The following INSR variants were observed in gnomAD, a reference collection of about 807,000 sequenced individuals.
INSR encodes insulin receptor, also known as IR.
Under a neutral mutation model 142.6 loss-of-function variants are expected in INSR, and 67 were observed. The ratio of observed to expected loss-of-function variants is 0.47; its 90% CI spans 0.39 to 0.58. INSR has a LOEUF of 0.58. Ranked by LOEUF, INSR falls within the 20% of genes least tolerant of loss-of-function variation. The pLI, the probability that INSR is intolerant of heterozygous loss-of-function variation, is 0.00. For synonymous variants in INSR, 756 were observed against 743.1 expected, an observed-to-expected ratio of 1.02 and a Z score of -0.28; for missense variants, 1,248 against 1,833.2, an observed-to-expected ratio of 0.68 and a Z score of 5.83.
intron 2 of INSR, among the ~76,000 whole-genome samples, chr19:7,263,038 G>C (rs1257656851): frequency 6.6e-6 from 1 of 152,190 alleles, no homozygotes; most frequent in Non-Finnish European, 1.5e-5. Context: ...AGCACTTTGC[G>C]AGGCTGAGGT....
chr19:7,155,191 T>TAGCAGAAAGGCCCCAGGAC (rs1474494353), intron 9 of INSR, among the ~76,000 whole-genome samples: 35 of 151,938 alleles, frequency 2.3e-4, no homozygotes, highest in African/African-American at 8.4e-4. Context: ...AATTCAGACA[T>TAGCAGAAAGGCCCCAGGAC]AGCAGAAACC....
At chr19:7,252,845 G>A (rs1976768978) in intron 2 of INSR, among the ~76,000 whole-genome samples, 1 of 152,166 alleles carries the variant, frequency 6.6e-6, no homozygotes, top group Non-Finnish European at 1.5e-5. Context: ...GCCAGGCGCG[G>A]TGGCTCACGC....
At chr19:7,226,356 G>A (rs867301675) in intron 2 of INSR, among the ~76,000 whole-genome samples, 1 of 148,618 alleles carries the variant, frequency 6.7e-6, no homozygotes, top group Middle Eastern at 3.5e-3. Context: ...GTTGCAGTGA[G>A]CCAAGATCGC....
intron 2 of INSR, among the ~76,000 whole-genome samples, chr19:7,214,499 T>G (rs1176820193): frequency 2.0e-5 from 3 of 152,172 alleles, no homozygotes; most frequent in Non-Finnish European, 4.4e-5. Flanking sequence ...TCCTCATTCT[T>G]CTCTACCCTG....
intron 2 of INSR, among the ~76,000 whole-genome samples, chr19:7,249,482 C>G (rs1447563206): frequency 6.6e-6 from 1 of 152,296 alleles, no homozygotes; most frequent in East Asian, 1.9e-4. Context: ...CACCGTTTTA[C>G]CGCAGAACCG....
intron 2 of INSR, among the ~76,000 whole-genome samples, chr19:7,259,396 C>T (rs886480612): frequency 1.3e-5 from 2 of 152,046 alleles, no homozygotes; most frequent in African/African-American, 4.8e-5. Flanking sequence ...CTTAACCTCT[C>T]GAAGCCTTAG....
intron 9 of INSR, among the ~76,000 whole-genome samples, chr19:7,154,352 G>A (rs1973531035): frequency 1.5e-5 from 2 of 134,354 alleles, no homozygotes; most frequent in Non-Finnish European, 3.1e-5. Flanking sequence ...ACCCAGGCTG[G>A]AGTGCAGTGG....
At chr19:7,167,841 A>C in intron 7 of INSR, 127 bp downstream of exon 7, 2 of 1,148,132 alleles carry the variant, frequency 1.7e-6, no homozygotes, top group Non-Finnish European at 2.6e-6. Context: ...GGAACCTAAG[A>C]TATTTATTCC....
intron 2 of INSR, among the ~76,000 whole-genome samples, chr19:7,260,364 C>T (rs1977021541): frequency 6.6e-6 from 1 of 152,140 alleles, no homozygotes; most frequent in Admixed American, 6.6e-5. Flanking sequence ...GGGGTGACCT[C>T]CCAGAAAGAA....
chr19:7,128,861 A>G lies in INSR; in HGVS notation c.2936T>C (p.Leu979Pro), dbSNP rs1599877878. ...SVVIGSIYLF[L>P]RKRQPDGPLG... ...AACTCACTGAACTCACCTCTTTCTC[A>G]GGAATAGATAAATACTTCCAATCAC... is the stretch of plus-strand genomic sequence containing the variant. Residue 979 changes from leucine (L) to proline (P), a missense_variant, in exon 15 of 22, where the codon CTG (leucine) becomes CCG (proline). Leu to Pro is a moderately conservative substitution (Grantham distance 98). Coordinates refer to ENST00000302850, the MANE Select transcript of INSR (RefSeq NM_000208.4). The G allele has an allele frequency of 6.2e-7, 1 of 1,611,216 alleles. No homozygotes were observed. The highest frequency in any genetic ancestry group is 1.3e-5 in the African/African-American group (1 of 75,010).
At chr19:7,131,329 A>G (rs1395038659) in intron 14 of INSR, among the ~76,000 whole-genome samples, 1 of 151,196 alleles carries the variant, frequency 6.6e-6, no homozygotes, top group Admixed American at 6.6e-5. Flanking sequence ...CAAACCCCCA[A>G]CAACACCCAA....
At chr19:7,190,178 C>A (rs1201366219) in intron 2 of INSR, among the ~76,000 whole-genome samples, 1 of 151,592 alleles carries the variant, frequency 6.6e-6, no homozygotes, top group Non-Finnish European at 1.5e-5. Flanking sequence ...GAGATCCTAT[C>A]TCTCCTTGCC....
chr19:7,271,070 A>C (rs555278160), intron 1 of INSR, among the ~76,000 whole-genome samples: 1 of 152,030 alleles, frequency 6.6e-6, no homozygotes, highest in African/African-American at 2.4e-5. Flanking sequence ...TCAAAAAAAA[A>C]ACAGAAAAAA....
rs945570888 is a variant in INSR at position 7,258,398 on chromosome 19, G to A, written c.652+8947C>T. ...TGCACTCCAGCCCAGGCGACAGAGT[G>A]AGACCCCATCTCTAAAAATAAAAAT... is the stretch of plus-strand genomic sequence containing the variant. On this transcript the variant is annotated intron_variant, in intron 2 of 21. Coordinates refer to ENST00000302850, the MANE Select transcript of INSR (RefSeq NM_000208.4). Among the ~76,000 whole-genome samples the A allele has an allele frequency of 3.2e-5, 4 of 124,274 alleles. No homozygotes were observed. In the South Asian group the frequency reaches 9.6e-4, roughly 30 times the overall value. The allele number at this position is 124,274 out of a possible 152,430, so 81.5% of individuals were successfully genotyped here. A position where few individuals can be genotyped will look rare whatever the true frequency, so the allele number is the denominator to read the frequency against.
At chr19:7,217,087 C>T (rs548232621) in intron 2 of INSR, among the ~76,000 whole-genome samples, 4 of 151,330 alleles carry the variant, frequency 2.6e-5, no homozygotes, top group Non-Finnish European at 5.9e-5. Context: ...CCCACCTTGG[C>T]CTCCCAAAGT....
chr19:7,262,426 C>T (rs1977092133), intron 2 of INSR, among the ~76,000 whole-genome samples: 1 of 152,132 alleles, frequency 6.6e-6, no homozygotes, highest in Admixed American at 6.6e-5. Flanking sequence ...GAGCTGAGAT[C>T]GCACCATTGC....
In INSR at chr19:7,216,846, C is replaced by G. The variant is rs781229479; in HGVS notation, c.653-32209G>C. ...TTTTCTCCTGCATCGGGATCTTACT[C>G]TGTTGCCTAGGCTGGAGTGCAATGG... On this transcript the variant is annotated intron_variant, in intron 2 of 21. Coordinates refer to ENST00000302850, the MANE Select transcript of INSR (RefSeq NM_000208.4). This position sits in a 1 kb window ranked among gnomAD's most constrained non-coding sequence, Gnocchi z 4.2. 3.3e-5 allele frequency among the ~76,000 whole-genome samples: 5 copies of G among 152,174 alleles called. No individual in the cohort carries two copies. Among genetic ancestry groups the G allele is most frequent in the Non-Finnish European group, 7.3e-5 (5 of 68,034 alleles).
At chr19:7,234,451 T>A (rs1041701249) in intron 2 of INSR, among the ~76,000 whole-genome samples, 2 of 152,058 alleles carry the variant, frequency 1.3e-5, no homozygotes, top group Non-Finnish European at 2.9e-5. Context: ...CAAGTAATCC[T>A]CCCACCTCTG....
In INSR at chr19:7,117,204, T is replaced by C; in HGVS notation, c.4001A>G (p.His1334Arg). Residue 1334 changes from histidine to arginine, a missense_variant, in exon 22 of 22, where the codon CAC becomes CGC. His to Arg is a conservative substitution (Grantham distance 29). This residue lies in a region of INSR where 122 missense variants were observed against 129.8 expected (regional missense o/e 0.94). Coordinates refer to ENST00000302850, the MANE Select transcript of INSR (RefSeq NM_000208.4). Reference sequence around the variant, plus strand: ...GCCCCCCGCCTCCTCCCTCTGACAGTGCGAGGAACGGTCCAGGGGCACATT... The same window carrying C: ...GCCCCCCGCCTCCTCCCTCTGACAGCGCGAGGAACGGTCCAGGGGCACATT... Reference protein sequence around the residue: ...MENVPLDRSSHCQREEAGGRD... With the variant: ...MENVPLDRSSRCQREEAGGRD... 2.5e-6 allele frequency: 4 copies of C among 1,614,076 alleles called. No individual in the cohort carries two copies. Among genetic ancestry groups the C allele is most frequent in the Middle Eastern group, 1.6e-4 (1 of 6,062 alleles).
Sources: allele counts gnomAD v4.1 joint callset (sites outside exome capture counted in the v4.1 genomes callset), GRCh38; gene constraint gnomAD v4.1.1; regional missense constraint gnomAD v4.1.1; non-coding constraint Gnocchi (gnomAD v3.1); transcripts MANE v1.5; gene names NCBI Gene and HGNC (gene_info 2026-07-23, HGNC 2026-07-21).